Variants in KCNG2 observed in about 807,000 individuals in gnomAD.
KCNG2 encodes potassium voltage-gated channel modifier subfamily G member 2.
KCNG2 carries 7 observed loss-of-function variants against 12.3 expected under a neutral mutation model. The ratio of observed to expected loss-of-function variants is 0.57; its 90% CI spans 0.32 to 1.07. The LOEUF (loss-of-function observed/expected upper bound fraction) is 1.07. Among genes scored for constraint, KCNG2 ranks in the 50% least tolerant of loss-of-function variants. The pLI, the probability that KCNG2 is intolerant of heterozygous loss-of-function variation, is 0.04. For synonymous variants in KCNG2, 414 were observed against 351.4 expected (o/e 1.18, Z -1.99); for missense variants, 703 against 726.0 (o/e 0.97, Z 0.36).
Position 79,798,146 on chromosome 18 carries a change from G to T in KCNG2, c.-115+132G>T, listed in dbSNP as rs371034300. Among the ~76,000 whole-genome samples, 7 of 151,702 alleles carry T rather than the reference G, an allele frequency of 4.6e-5. 1 individual carries two copies. Among genetic ancestry groups the T allele is most frequent in the East Asian group, 2.0e-4 (1 of 5,112 alleles). ...CGCGCGCAGCTTCTTCTCCGGGTGC[G>T]CGGTGCGCGCGGGCGCGGGAGGGTC... On this transcript the variant is annotated intron_variant, in intron 1 of 3. Coordinates refer to ENST00000316249, the MANE Select transcript of KCNG2 (RefSeq NM_012283.2).
chr18:79,871,278 G>C (rs1038925620), intron 3 of KCNG2, among the ~76,000 whole-genome samples: 1 of 152,252 alleles, frequency 6.6e-6, no homozygotes, highest in Non-Finnish European at 1.5e-5. Context: ...TGCGTCTGTC[G>C]CAGCCTGTCC....
Position 79,799,559 on chromosome 18 carries a change from C to T in KCNG2, c.-115+1545C>T, listed in dbSNP as rs965564633. 3.2e-4 allele frequency among the ~76,000 whole-genome samples: 48 copies of T among 152,236 alleles called. 1 individual carries two copies. The highest frequency in any genetic ancestry group is 8.8e-5 in the Non-Finnish European group (6 of 68,050). ...AAAGGGTTGCTGTGTCCGCATCTTC[C>T]CTGGGGAGAGGTGACAAAAACAACT... On this transcript the variant is annotated intron_variant, in intron 1 of 3. Coordinates refer to ENST00000316249, the MANE Select transcript of KCNG2 (RefSeq NM_012283.2).
intron 3 of KCNG2, among the ~76,000 whole-genome samples, chr18:79,878,215 G>A (rs1980151706): frequency 1.3e-5 from 2 of 152,260 alleles, no homozygotes; most frequent in African/African-American, 2.4e-5. Context: ...AGACTTCAGT[G>A]TAGATCCTGC....
rs1476226784 is a variant in KCNG2, at chr18:79,803,909, C to G, written c.-115+5895C>G. Among the ~76,000 whole-genome samples, 1 of 152,218 alleles carries G rather than the reference C, an allele frequency of 6.6e-6. No homozygotes were observed. The highest frequency in any genetic ancestry group is 2.4e-5 in the African/African-American group (1 of 41,456). ...GGGGTTGGTGCCGGTGGATCAGAAT[C>G]TTAGGCCTGGCCTGGCCGTGTCACT... is the stretch of plus-strand genomic sequence containing the variant. On this transcript the variant is annotated intron_variant, in intron 1 of 3. Coordinates refer to ENST00000316249, the MANE Select transcript of KCNG2 (RefSeq NM_012283.2). This position sits in a 1 kb window ranked among gnomAD's most constrained non-coding sequence, Gnocchi z 4.5.
At chr18:79,870,285 T>G (rs987495506) in intron 3 of KCNG2, among the ~76,000 whole-genome samples, 1 of 152,186 alleles carries the variant, frequency 6.6e-6, no homozygotes, top group Non-Finnish European at 1.5e-5. Context: ...CAGGGAGCGG[T>G]GTCTTCTGTC....
intron 3 of KCNG2, among the ~76,000 whole-genome samples, chr18:79,889,333 C>A (rs367551296): frequency 6.6e-6 from 1 of 152,176 alleles, no homozygotes; most frequent in Non-Finnish European, 1.5e-5. Flanking sequence ...TTCAGGTAAG[C>A]GCTCAGCTGG....
chr18:79,879,798 G>T (rs764127263), intron 3 of KCNG2, among the ~76,000 whole-genome samples: 2 of 152,160 alleles, frequency 1.3e-5, no homozygotes, highest in Non-Finnish European at 2.9e-5. Context: ...GCGTGTCAAG[G>T]CGTCTCATCC....
At chr18:79,811,404 C>G (rs2087493398) in intron 1 of KCNG2, among the ~76,000 whole-genome samples, 1 of 152,194 alleles carries the variant, frequency 6.6e-6, no homozygotes, top group Non-Finnish European at 1.5e-5. Flanking sequence ...AATTGCAATT[C>G]TAGAAATAAA....
intron 1 of KCNG2, among the ~76,000 whole-genome samples, chr18:79,841,041 G>A (rs1000655494): frequency 2.0e-5 from 3 of 152,136 alleles, no homozygotes; most frequent in African/African-American, 7.2e-5. Flanking sequence ...GGTTGAGGCG[G>A]GTAGGATTAC....
chr18:79,846,374 C>CAAAAA (rs11421957), intron 1 of KCNG2, among the ~76,000 whole-genome samples: 7 of 61,462 alleles, frequency 1.1e-4, no homozygotes, highest in African/African-American at 1.4e-4. Flanking sequence ...GACTCCGTCT[C>CAAAAA]AAAAAAAAAA....
intron 3 of KCNG2, among the ~76,000 whole-genome samples, chr18:79,871,256 G>A (rs564369112): frequency 1.2e-3 from 185 of 152,350 alleles, no homozygotes; most frequent in African/African-American, 3.8e-3. Context: ...TCCTGGCAGC[G>A]CAAAACGTGC....
chr18:79,820,661 T>C (rs1232962009), intron 1 of KCNG2, among the ~76,000 whole-genome samples: 2 of 152,164 alleles, frequency 1.3e-5, no homozygotes, highest in African/African-American at 4.8e-5. Context: ...TTGCCCATTT[T>C]ATTTACTTAT....
At chr18:79,889,353 T>C (rs1291583748) in intron 3 of KCNG2, among the ~76,000 whole-genome samples, 1 of 152,236 alleles carries the variant, frequency 6.6e-6, no homozygotes, top group East Asian at 1.9e-4. Flanking sequence ...GATTCCTTTG[T>C]GTGTGGACAT....
At chr18:79,881,944 C>T (rs1157709503) in intron 3 of KCNG2, among the ~76,000 whole-genome samples, 2 of 152,046 alleles carry the variant, frequency 1.3e-5, no homozygotes, top group Non-Finnish European at 2.9e-5. Flanking sequence ...GTGAAAAGGC[C>T]GGGCACGGAG....
chr18:79,829,768 T>G (rs1978290789), intron 1 of KCNG2, among the ~76,000 whole-genome samples: 1 of 152,198 alleles, frequency 6.6e-6, no homozygotes, highest in Admixed American at 6.5e-5. Flanking sequence ...CCGGGGCAGC[T>G]CACACCCAGG....
intron 2 of KCNG2, among the ~76,000 whole-genome samples, chr18:79,858,587 A>T (rs1207332988): frequency 6.7e-6 from 1 of 149,748 alleles, no homozygotes; most frequent in Non-Finnish European, 1.5e-5. Flanking sequence ...TACATCTCGG[A>T]GTGGGGTCAC....
intron 1 of KCNG2, among the ~76,000 whole-genome samples, chr18:79,839,447 AC>A (rs1192944451): frequency 6.6e-6 from 1 of 152,270 alleles, no homozygotes; most frequent in African/African-American, 2.4e-5. Context: ...CAACAACTCT[AC>A]ATGCACATTT....
chr18:79,848,838 C>T (rs1267355038), intron 1 of KCNG2, among the ~76,000 whole-genome samples: 1 of 152,202 alleles, frequency 6.6e-6, no homozygotes, highest in Non-Finnish European at 1.5e-5. Context: ...GCTGGAAGAG[C>T]CTCCTCCCTG....
chr18:79,836,947 T>C (rs79716581), intron 1 of KCNG2, among the ~76,000 whole-genome samples: 4 of 152,188 alleles, frequency 2.6e-5, no homozygotes, highest in Non-Finnish European at 4.4e-5. Flanking sequence ...AACACAATCA[T>C]GGCTTCCAAA....
Sources: gnomAD v4.1 joint callset for allele counts (sites outside exome capture counted in the v4.1 genomes callset) on GRCh38, gnomAD v4.1.1 for gene constraint, Gnocchi (gnomAD v3.1) non-coding constraint, MANE v1.5 for transcripts, NCBI Gene and HGNC (gene_info 2026-07-23, HGNC 2026-07-21) for gene names.